The following OR4K2 variants were observed in gnomAD, a reference collection of about 807,000 sequenced individuals.
OR4K2 encodes the protein olfactory receptor 4K2.
A neutral mutation model predicts 10.5 loss-of-function variants in OR4K2; 8 were observed. The ratio of observed to expected loss-of-function variants is 0.76; its 90% CI spans 0.45 to 1.37. The LOEUF is 1.37. OR4K2 is among the 40% of genes most tolerant of loss of function. The pLI is 0.00. For missense variants in OR4K2, 547 were observed against 379.5 expected, an observed-to-expected ratio of 1.44 and a Z score of -3.67; for synonymous variants, 178 against 133.6, an observed-to-expected ratio of 1.33 and a Z score of -2.29.
In OR4K2 at chr14:19,883,661, A is replaced by G. The variant is rs1010684141; in HGVS notation, c.*6449A>G. On this transcript the variant is annotated 3_prime_UTR_variant, in exon 2 of 2. Coordinates refer to ENST00000641885, the MANE Select transcript of OR4K2 (RefSeq NM_001005501.2). ...AGTTAAAGTAATTAAATAGGACTCT[A>G]TTGCACTCAAGAGATTTTAAAACGT... The G allele has an allele frequency of 6.6e-6, 1 of 152,228 alleles. No individual in the cohort carries two copies. The highest frequency in any genetic ancestry group is 1.5e-5 in the Non-Finnish European group (1 of 68,038). 9.4% of individuals were successfully genotyped at this position (152,228 alleles called of 1,614,324 possible).
Position 19,883,498 on chromosome 14 carries a change from G to A in OR4K2, c.*6286G>A, listed in dbSNP as rs868856535. The A allele has an allele frequency of 1.7e-4, 26 of 152,224 alleles. No individual in the cohort carries two copies. Among genetic ancestry groups the A allele is most frequent in the African/African-American group, 5.8e-4 (24 of 41,452 alleles). 9.4% of individuals were successfully genotyped at this position (152,224 alleles called of 1,614,324 possible). On this transcript the variant is annotated 3_prime_UTR_variant, in exon 2 of 2. Coordinates refer to ENST00000641885, the MANE Select transcript of OR4K2 (RefSeq NM_001005501.2). ...TCTCTTTGTAAGCACTTTGTCTGGA[G>A]TCTGCAAAGCCTGTATTTTTCTTCA...
At chr14:19,876,212 T>G in intron 1 of OR4K2, 33 bp from the exon 2 acceptor site, 3 of 1,241,846 alleles carry the variant, frequency 2.4e-6, no homozygotes, top group Admixed American at 2.6e-5. Context: ...AATCTGACTT[T>G]CCTTTTTTTT....
In OR4K2 at chr14:19,882,829, C is replaced by CTTTTTTTTTT. The variant is rs369726984; in HGVS notation, c.*5624_*5633dup. On this transcript the variant is annotated 3_prime_UTR_variant, in exon 2 of 2. Transcript: ENST00000641885. ...TTATCTTTCTTTTTCTTTTTTTTTT[C>CTTTTTTTTTT]TTTTTTTTTTTTTTTTGAGACGGAG... 4.1e-5 allele frequency: 5 copies of CTTTTTTTTTT among 123,390 alleles called. No homozygotes were observed. The highest frequency in any genetic ancestry group is 4.5e-4 in the East Asian group (2 of 4,416). The allele number at this position is 123,390 out of a possible 1,614,324, so 7.6% of individuals were successfully genotyped here.
In OR4K2 at chr14:19,881,658, T is replaced by C. The variant is rs1555332056; in HGVS notation, c.*4446T>C. On this transcript the variant is annotated 3_prime_UTR_variant, in exon 2 of 2. Coordinates refer to ENST00000641885, the MANE Select transcript of OR4K2 (RefSeq NM_001005501.2). ...TCGGGCTGGAGGCTCCAGGTTTTTTTCCCCCATTAGCCTTTTTATGACTAC... is the reference window on the plus strand; with the variant it reads ...TCGGGCTGGAGGCTCCAGGTTTTTTCCCCCCATTAGCCTTTTTATGACTAC... The C allele has an allele frequency of 6.6e-6, 1 of 152,062 alleles. No individual in the cohort carries two copies. The highest frequency in any genetic ancestry group is 1.5e-5 in the Non-Finnish European group (1 of 68,026). 9.4% of individuals were successfully genotyped at this position (152,062 alleles called of 1,614,324 possible). A position where few individuals can be genotyped will look rare whatever the true frequency, so the allele number is the denominator to read the frequency against.
Position 19,881,083 on chromosome 14 carries a change from G to C in OR4K2, c.*3871G>C, listed in dbSNP as rs1223422672. ...TACATGTGAGTTTTTAAACAACTCA[G>C]TTATAGCAAAATTTGTTGAGAGAGT... On this transcript the variant is annotated 3_prime_UTR_variant, in exon 2 of 2. Transcript: ENST00000641885. The C allele has an allele frequency of 6.6e-6, 1 of 152,224 alleles. No individual in the cohort carries two copies. The highest frequency in any genetic ancestry group is 1.5e-5 in the Non-Finnish European group (1 of 68,046). The allele number at this position is 152,224 out of a possible 1,614,324, so 9.4% of individuals were successfully genotyped here.
In OR4K2 at chr14:19,880,393, G is replaced by A. The variant is rs1179083654; in HGVS notation, c.*3181G>A. On this transcript the variant is annotated 3_prime_UTR_variant, in exon 2 of 2. Transcript: ENST00000641885. ...CAGAGTTATTTGAGGCATAAAAGAA[G>A]CAAATAATATGAAGCATATGGTTGT... The A allele has an allele frequency of 6.6e-6, 1 of 152,234 alleles. No homozygotes were observed. The highest frequency in any genetic ancestry group is 1.5e-5 in the Non-Finnish European group (1 of 68,044). 9.4% of individuals were successfully genotyped at this position (152,234 alleles called of 1,614,324 possible).
At position 19,881,169 on chromosome 14, in the gene OR4K2, GTA is replaced by G. The variant is rs1459004644; in HGVS notation, c.*3961_*3962del. ...ATATTATTTTGCATGATTTTTGGAT[GTA>G]TATGTCAATTGAAAAACGGGGAGAA... On this transcript the variant is annotated 3_prime_UTR_variant, in exon 2 of 2. Coordinates refer to ENST00000641885, the MANE Select transcript of OR4K2 (RefSeq NM_001005501.2). The G allele has an allele frequency of 6.6e-6, 1 of 152,256 alleles. No homozygotes were observed. The highest frequency in any genetic ancestry group is 1.5e-5 in the Non-Finnish European group (1 of 68,054). 9.4% of individuals were successfully genotyped at this position (152,256 alleles called of 1,614,324 possible). A position where few individuals can be genotyped will look rare whatever the true frequency, so the allele number is the denominator to read the frequency against.
rs2138534284 is a variant in OR4K2, at chr14:19,880,775, T to G, written c.*3563T>G. On this transcript the variant is annotated 3_prime_UTR_variant, in exon 2 of 2. Transcript: ENST00000641885. ...TTAAATTGGTTTATTGATTTTAGGA[T>G]GAATTCACATTACAATTGTTGTCAG... 1 of 152,386 alleles carries G rather than the reference T, an allele frequency of 6.6e-6. No individual in the cohort carries two copies. The highest frequency in any genetic ancestry group is 2.1e-4 in the South Asian group (1 of 4,834). The allele number at this position is 152,386 out of a possible 1,614,324, so 9.4% of individuals were successfully genotyped here.
chr14:19,875,882 TG>T lies in OR4K2; in HGVS notation c.-275del, dbSNP rs1436007829. The T allele has an allele frequency of 4.5e-5, 9 of 199,986 alleles. No individual in the cohort carries two copies. Among genetic ancestry groups the T allele is most frequent in the Admixed American group, 3.9e-4 (7 of 18,042 alleles). 12.4% of individuals were successfully genotyped at this position (199,986 alleles called of 1,614,324 possible). ...ATGACTAAACATGTATGTGTATGTG[TG>T]TTTCACACATTGTCAGCATAAAGTA... On this transcript the variant is annotated 5_prime_UTR_variant, in exon 1 of 2. The change abolishes the stop of an existing upstream ORF in the 5' untranslated region. Coordinates refer to ENST00000641885, the MANE Select transcript of OR4K2 (RefSeq NM_001005501.2).
In OR4K2 at chr14:19,877,042, A is replaced by C; in HGVS notation, c.775A>C (p.Met259Leu). 6.2e-7 allele frequency: 1 copy of C among 1,613,260 alleles called. No homozygotes were observed. The highest frequency in any genetic ancestry group is 1.1e-5 in the South Asian group (1 of 91,080). The change falls in exon 2 of 2, where the codon ATG becomes CTG. Residue 259 changes from methionine to leucine, a missense_variant. Met to Leu is a conservative substitution (Grantham distance 15, BLOSUM62 2). Transcript: ENST00000641885. ...LFFGPCIFIYMWPLSSFLTDK... is the reference protein window; with the variant it reads ...LFFGPCIFIYLWPLSSFLTDK... ...CTTTGGGCCATGCATCTTCATCTAC[A>C]TGTGGCCACTAAGCAGCTTTCTCAC...
At position 19,876,887 on chromosome 14, in the gene OR4K2, C is replaced by CGTT; in HGVS notation, c.623_625dup (p.Leu208dup). The stretch of plus-strand genomic sequence containing the variant: ...ATGATCTCAACAAGTGGCATAATTG[C>CGTT]GTTGTCCTGTTTTATTGTTTTATTT... On this transcript the variant is annotated inframe_insertion, in exon 2 of 2. Transcript: ENST00000641885. 1 of 1,614,112 alleles carries CGTT rather than the reference C, an allele frequency of 6.2e-7. No homozygotes were observed. Among genetic ancestry groups the CGTT allele is most frequent in the Non-Finnish European group, 8.5e-7 (1 of 1,179,954 alleles).
In OR4K2 at chr14:19,877,206, T is replaced by C; in HGVS notation, c.939T>C (p.Pro313=). ...TTCTAAATTTTAATAAGGCAATGCC[T>C]TCATAGTTTTTGTGACACAGAACAT... is the stretch of plus-strand genomic sequence containing the variant. ...NRFLNFNKAM[P]S The change falls in exon 2 of 2, where the codon CCT becomes CCC. Residue 313 remains proline (P), a synonymous_variant. Transcript: ENST00000641885. 6.4e-7 allele frequency: 1 copy of C among 1,567,090 alleles called. No individual in the cohort carries two copies. Among genetic ancestry groups the C allele is most frequent in the East Asian group, 2.2e-5 (1 of 44,778 alleles).
At position 19,877,158 on chromosome 14, in the gene OR4K2, C is replaced by A; in HGVS notation, c.891C>A (p.Ala297=). The change falls in exon 2 of 2, where the codon GCC becomes GCA. Residue 297 remains alanine (A), a synonymous_variant. Coordinates refer to ENST00000641885, the MANE Select transcript of OR4K2 (RefSeq NM_001005501.2). ...YTLRNQEVKI[A]MRKLKNRFLN... ...TGAGGAATCAAGAAGTAAAGATAGC[C>A]ATGAGGAAACTGAAAAATAGGTTTC... 6.3e-7 allele frequency: 1 copy of A among 1,599,700 alleles called. No individual in the cohort carries two copies. Among genetic ancestry groups the A allele is most frequent in the Non-Finnish European group, 8.5e-7 (1 of 1,178,894 alleles).
In OR4K2 at chr14:19,879,403, G is replaced by C. The variant is rs1244277159; in HGVS notation, c.*2191G>C. On this transcript the variant is annotated 3_prime_UTR_variant, in exon 2 of 2. Transcript: ENST00000641885. ...AGTGACATGGCCATGGACTCGTTAA[G>C]CAATAGTAAGGATGGTGCCAGCTGC... 1 of 152,330 alleles carries C rather than the reference G, an allele frequency of 6.6e-6. No individual in the cohort carries two copies. Among genetic ancestry groups the C allele is most frequent in the Non-Finnish European group, 1.5e-5 (1 of 68,130 alleles). 9.4% of individuals were successfully genotyped at this position (152,330 alleles called of 1,614,324 possible).
rs1227241348 is a variant in OR4K2, at chr14:19,882,003, A to C, written c.*4791A>C. The C allele has an allele frequency of 6.6e-6, 1 of 152,242 alleles. No individual in the cohort carries two copies. Among genetic ancestry groups the C allele is most frequent in the Non-Finnish European group, 1.5e-5 (1 of 68,052 alleles). The allele number at this position is 152,242 out of a possible 1,614,324, so 9.4% of individuals were successfully genotyped here. On this transcript the variant is annotated 3_prime_UTR_variant, in exon 2 of 2. Transcript: ENST00000641885. ...TAATACAATGTATTAAATGCTTGTG[A>C]ATAATTCAAAGACTTACAGGAACAT...
rs139042360 is a variant in OR4K2 at position 19,877,046 on chromosome 14, G to A, written c.779G>A (p.Trp260Ter). 1 of 1,613,062 alleles carries A rather than the reference G, an allele frequency of 6.2e-7. No homozygotes were observed. Among genetic ancestry groups the A allele is most frequent in the Non-Finnish European group, 8.5e-7 (1 of 1,179,950 alleles). ...GGGCCATGCATCTTCATCTACATGTGGCCACTAAGCAGCTTTCTCACAGAC... is the reference window on the plus strand; with the variant it reads ...GGGCCATGCATCTTCATCTACATGTAGCCACTAAGCAGCTTTCTCACAGAC... ...FFGPCIFIYMWPLSSFLTDKI... is the reference protein window; with the variant it reads ...FFGPCIFIYM Residue 260 changes from tryptophan to a stop codon, truncating the protein, a stop_gained, in exon 2 of 2, where the codon TGG (tryptophan) becomes TAG (stop). Coordinates refer to ENST00000641885, the MANE Select transcript of OR4K2 (RefSeq NM_001005501.2). LOFTEE classifies it high-confidence loss of function.
chr14:19,877,197 G>A lies in OR4K2; in HGVS notation c.930G>A (p.Lys310=). ...AAAATAGGTTTCTAAATTTTAATAA[G>A]GCAATGCCTTCATAGTTTTTGTGAC... ...KLKNRFLNFN[K]AMPS Residue 310 remains lysine (K), a synonymous_variant, in exon 2 of 2, where the codon AAG becomes AAA. Coordinates refer to ENST00000641885, the MANE Select transcript of OR4K2 (RefSeq NM_001005501.2). 1.9e-6 allele frequency: 3 copies of A among 1,580,800 alleles called. No individual in the cohort carries two copies. Among genetic ancestry groups the A allele is most frequent in the Non-Finnish European group, 2.6e-6 (3 of 1,166,052 alleles).
At position 19,876,342 on chromosome 14, in the gene OR4K2, G is replaced by GT. The variant is rs1424130665; in HGVS notation, c.80dup (p.Phe28LeufsTer15). 2 of 1,610,912 alleles carry GT rather than the reference G, an allele frequency of 1.2e-6. No homozygotes were observed. Among genetic ancestry groups the GT allele is most frequent in the South Asian group, 2.2e-5 (2 of 90,978 alleles). ...TCTCTAATTCCTGGGAACTACAGATGTTTTTCTTTATGGTGTTTTCATTGC... is the reference window on the plus strand; with the variant it reads ...TCTCTAATTCCTGGGAACTACAGATGTTTTTTCTTTATGGTGTTTTCATTGC... On this transcript the variant is annotated frameshift_variant, in exon 2 of 2. Coordinates refer to ENST00000641885, the MANE Select transcript of OR4K2 (RefSeq NM_001005501.2). LOFTEE classifies it high-confidence loss of function.
Position 19,876,074 on chromosome 14 carries a change from TATTTC to T in OR4K2, c.-81_-77del. On this transcript the variant is annotated 5_prime_UTR_variant, in exon 1 of 2. Transcript: ENST00000641885. ...AGGAACATTTTGCTATAAGCTCTAA[TATTTC>T]ATAATTTCCATTCAAAACAATATAC... 1.8e-6 allele frequency: 1 copy of T among 566,338 alleles called. No homozygotes were observed. The highest frequency in any genetic ancestry group is 4.6e-4 in the Middle Eastern group (1 of 2,154). 35.1% of individuals were successfully genotyped at this position (566,338 alleles called of 1,614,324 possible).
Sources: gnomAD v4.1 joint callset for allele counts on GRCh38, gnomAD v4.1.1 for gene constraint, MANE v1.5 for transcripts, NCBI Gene and HGNC (gene_info 2026-07-23, HGNC 2026-07-21) for gene names.